Variants in KSR1 observed in about 807,000 individuals in gnomAD.
KSR1 encodes kinase suppressor of ras 1.
Under a neutral mutation model 92.9 loss-of-function variants are expected in KSR1, and 35 were observed. The observed-to-expected ratio is 0.38, with a 90% CI of 0.29 to 0.50. KSR1 has a LOEUF of 0.50. Ranked by LOEUF, KSR1 falls within the 20% of genes least tolerant of loss-of-function variation. The pLI is 0.94. For missense variants in KSR1, 972 were observed against 1,158.5 expected (o/e 0.84, Z 2.34); for synonymous variants, 467 against 472.6 (o/e 0.99, Z 0.15).
intron 4 of KSR1, among the ~76,000 whole-genome samples, chr17:27,584,436 G>A (rs1016412037): frequency 3.3e-5 from 5 of 152,268 alleles, no homozygotes; most frequent in East Asian, 3.9e-4. Context: ...GCTCCCACTC[G>A]GGCTGTCCTG....
intron 1 of KSR1, among the ~76,000 whole-genome samples, chr17:27,457,628 G>A (rs1309779578): frequency 6.6e-6 from 1 of 152,092 alleles, no homozygotes; most frequent in Non-Finnish European, 1.5e-5. Context: ...TAAGATATGC[G>A]GGCCTTCCTC....
At chr17:27,514,419 G>A (rs953982665) in intron 1 of KSR1, among the ~76,000 whole-genome samples, 3 of 152,210 alleles carry the variant, frequency 2.0e-5, no homozygotes, top group African/African-American at 7.2e-5. Context: ...AGCACTTTGA[G>A]GGGCTGAGAT....
chr17:27,477,851 T>G (rs573139683), intron 1 of KSR1, among the ~76,000 whole-genome samples: 1 of 152,156 alleles, frequency 6.6e-6, no homozygotes, highest in African/African-American at 2.4e-5. Context: ...TAGCTGGGAC[T>G]ATAGATATGC....
At chr17:27,563,019 G>A (rs752909864) in intron 2 of KSR1, among the ~76,000 whole-genome samples, 2 of 151,204 alleles carry the variant, frequency 1.3e-5, no homozygotes, top group South Asian at 2.2e-4. Flanking sequence ...CAATGCCCAC[G>A]TGGAATCAGC....
chr17:27,585,913 G>C, intron 5 of KSR1: 1 of 553,336 alleles, frequency 1.8e-6, no homozygotes, highest in South Asian at 2.2e-5. Context: ...CAGCCCACAG[G>C]CAGCCCCATG....
chr17:27,583,685 A>G (rs1333686070), intron 4 of KSR1, among the ~76,000 whole-genome samples: 2 of 152,254 alleles, frequency 1.3e-5, no homozygotes, highest in African/African-American at 4.8e-5. Flanking sequence ...ATACCATACC[A>G]TCTACTCTGT....
chr17:27,542,608 C>T (rs762489574), intron 1 of KSR1, among the ~76,000 whole-genome samples: 2 of 152,096 alleles, frequency 1.3e-5, no homozygotes, highest in Non-Finnish European at 2.9e-5. Flanking sequence ...CAAAGTCAGT[C>T]GTCTGGAAAG....
At chr17:27,537,490 A>T (rs554489608) in intron 1 of KSR1, among the ~76,000 whole-genome samples, 168 of 152,270 alleles carry the variant, frequency 1.1e-3, no homozygotes, top group African/African-American at 3.8e-3. Flanking sequence ...CAGGAGTTTG[A>T]GACCAGCCTG....
rs140736713 is a variant in KSR1 at position 27,512,984 on chromosome 17, AG to A, written c.232-37583del. On this transcript the variant is annotated intron_variant, in intron 1 of 20. Coordinates refer to ENST00000644974, the MANE Select transcript of KSR1 (RefSeq NM_001394583.1). ...TTCTCTTACTGCCACGCACAACATTAGCTTGACTTTAGTAGTAGTTGCCTCC... is the reference window on the plus strand; with the variant it reads ...TTCTCTTACTGCCACGCACAACATTACTTGACTTTAGTAGTAGTTGCCTCC... Among the ~76,000 whole-genome samples the A allele has an allele frequency of 2.1e-3, 323 of 152,302 alleles. 1 individual carries two copies. The highest frequency in any genetic ancestry group is 3.1e-3 in the Non-Finnish European group (208 of 68,020).
intron 1 of KSR1, among the ~76,000 whole-genome samples, chr17:27,498,277 G>T (rs2069058847): frequency 6.7e-6 from 1 of 148,874 alleles, no homozygotes; most frequent in South Asian, 2.1e-4. Flanking sequence ...GGCGGAGGGT[G>T]CAGTGAGCCG....
chr17:27,539,309 C>T (rs563547612), intron 1 of KSR1, among the ~76,000 whole-genome samples: 103 of 152,234 alleles, frequency 6.8e-4, no homozygotes, highest in African/African-American at 1.9e-3. Context: ...GGACACAGGC[C>T]GTGTTGATGA....
chr17:27,503,273 A>G (rs2069255175), intron 1 of KSR1, among the ~76,000 whole-genome samples: 1 of 152,190 alleles, frequency 6.6e-6, no homozygotes, highest in Admixed American at 6.5e-5. Flanking sequence ...GGTTGTCACA[A>G]TTTGGAGAGG....
Position 27,505,636 on chromosome 17 carries a change from G to A in KSR1, c.232-44932G>A, listed in dbSNP as rs567029405. The stretch of plus-strand genomic sequence containing the variant: ...TTGCTTTATCAGTAAAATGGGGATG[G>A]TAGCAGTATCTCCCTCAGGAGAGTT... On this transcript the variant is annotated intron_variant, in intron 1 of 20. Transcript: ENST00000644974. Among the ~76,000 whole-genome samples the A allele has an allele frequency of 3.3e-5, 5 of 152,342 alleles. No individual in the cohort carries two copies. In the South Asian group the frequency reaches 1.0e-3, roughly 32 times the overall value.
chr17:27,551,769 C>A (rs561961308), intron 2 of KSR1, among the ~76,000 whole-genome samples: 1 of 152,328 alleles, frequency 6.6e-6, no homozygotes, highest in Admixed American at 6.5e-5. Flanking sequence ...ACCCGCCTGC[C>A]TCTCTCCCTC....
At chr17:27,619,042 C>T (rs2074143027) in intron 19 of KSR1, among the ~76,000 whole-genome samples, 3 of 152,066 alleles carry the variant, frequency 2.0e-5, no homozygotes, top group Admixed American at 1.3e-4. Flanking sequence ...GTGAAATCTC[C>T]CACAGAGTCC....
At chr17:27,594,696 G>A (rs536990579) in intron 9 of KSR1, among the ~76,000 whole-genome samples, 2 of 152,284 alleles carry the variant, frequency 1.3e-5, no homozygotes, top group East Asian at 3.9e-4. Context: ...GTGCTGAGAG[G>A]TGTTTATCCT....
Position 27,609,202 on chromosome 17 carries a change from G to A in KSR1, c.2098G>A (p.Gly700Arg). ...QIAQEIIKGM[G>R]YLHAKGIVHK... is the part of the protein sequence containing the mutation. ...CTCCTGATGTGTCCTCCAGGGCATG[G>A]GATATCTTCATGCCAAGGGCATCGT... Residue 700 changes from glycine (G) to arginine (R), a missense_variant, in exon 16 of 21, where the codon GGA becomes AGA. By Grantham distance (125) the Gly-to-Arg change is moderately radical (BLOSUM62 -2). This residue lies in a region of KSR1 where 260 missense variants were observed against 375.2 expected (regional missense o/e 0.69). Coordinates refer to ENST00000644974, the MANE Select transcript of KSR1 (RefSeq NM_001394583.1). The A allele has an allele frequency of 6.2e-7, 1 of 1,613,686 alleles. No individual in the cohort carries two copies. The highest frequency in any genetic ancestry group is 8.5e-7 in the Non-Finnish European group (1 of 1,179,654).
In KSR1 at chr17:27,592,644, G is replaced by C. The variant is rs552085419; in HGVS notation, c.1299+18G>C. ...CAAAGAAGGTACGCTGGGTAATGCT[G>C]GGGAGGACGCCCTTCTGCCACTGGC... On this transcript the variant is annotated intron_variant, in intron 9 of 20. Coordinates refer to ENST00000644974, the MANE Select transcript of KSR1 (RefSeq NM_001394583.1). 1.2e-6 allele frequency: 2 copies of C among 1,602,602 alleles called. No individual in the cohort carries two copies. The highest frequency in any genetic ancestry group is 1.1e-5 in the South Asian group (1 of 90,182).
chr17:27,499,864 G>A (rs185952385), intron 1 of KSR1, among the ~76,000 whole-genome samples: 21 of 152,312 alleles, frequency 1.4e-4, no homozygotes, highest in African/African-American at 4.8e-4. Context: ...TGTTTGGAAG[G>A]GTGTCAAAGG....
Sources: allele counts gnomAD v4.1 joint callset (sites outside exome capture counted in the v4.1 genomes callset), GRCh38; gene constraint gnomAD v4.1.1; regional missense constraint gnomAD v4.1.1; transcripts MANE v1.5; gene names NCBI Gene and HGNC (gene_info 2026-07-23, HGNC 2026-07-21).